The following GRID1 variants were observed in gnomAD, a reference collection of about 807,000 sequenced individuals.
The protein encoded by GRID1 is glutamate receptor ionotropic, delta-1.
Under a neutral mutation model 98.0 loss-of-function variants are expected in GRID1, and 28 were observed. The observed-to-expected ratio is 0.29, with a 90% CI of 0.21 to 0.39. The LOEUF (loss-of-function observed/expected upper bound fraction) is 0.39. Among genes scored for constraint, GRID1 ranks in the 10% least tolerant of loss-of-function variants. The probability of loss-of-function intolerance (pLI) is 1.00; values close to 1 mark genes in which losing one functional copy is unlikely to be tolerated. For synonymous variants in GRID1, 553 were observed against 538.5 expected (o/e 1.03, Z -0.37); for missense variants, 1,111 against 1,340.5 (o/e 0.83, Z 2.67).
chr10:85,705,754 C>A (rs1363007572), intron 12 of GRID1, among the ~76,000 whole-genome samples: 1 of 152,066 alleles, frequency 6.6e-6, no homozygotes, highest in African/African-American at 2.4e-5. Context: ...AAAAGCTTAC[C>A]CACCATGAGC....
chr10:85,638,366 G>C (rs1843074714), intron 13 of GRID1, among the ~76,000 whole-genome samples: 1 of 152,138 alleles, frequency 6.6e-6, no homozygotes, highest in South Asian at 2.1e-4. Flanking sequence ...AAATTCAAGT[G>C]GAAATGTAAA....
At chr10:86,305,014 T>A (rs574578085) in intron 2 of GRID1, among the ~76,000 whole-genome samples, 1 of 152,178 alleles carries the variant, frequency 6.6e-6, no homozygotes, top group Admixed American at 6.5e-5. Flanking sequence ...ATGAAGGTAT[T>A]TTTCAGATGT....
At chr10:85,743,400 T>C (rs914993425) in intron 8 of GRID1, among the ~76,000 whole-genome samples, 1 of 152,146 alleles carries the variant, frequency 6.6e-6, no homozygotes. Context: ...ACAGAATCCA[T>C]TAGACATTTA....
intron 2 of GRID1, among the ~76,000 whole-genome samples, chr10:86,352,975 C>T (rs1160587886): frequency 6.6e-6 from 1 of 152,214 alleles, no homozygotes; most frequent in Admixed American, 6.5e-5. Flanking sequence ...AGTTAAGTGA[C>T]CACCACTGCA....
chr10:85,865,975 A>ATACATATATATG (rs1564613358), intron 6 of GRID1, among the ~76,000 whole-genome samples: 1 of 127,288 alleles, frequency 7.9e-6, no homozygotes, highest in African/African-American at 2.8e-5. Flanking sequence ...AGAGAGAGAG[A>ATACATATATATG]GAGAGAGAGA....
At chr10:86,280,234 A>C (rs1847337616) in intron 2 of GRID1, among the ~76,000 whole-genome samples, 1 of 152,172 alleles carries the variant, frequency 6.6e-6, no homozygotes, top group Admixed American at 6.5e-5. Context: ...CAATATATAA[A>C]ACTCAATTGT....
chr10:86,252,858 A>G (rs1846858974), intron 2 of GRID1, among the ~76,000 whole-genome samples: 1 of 152,254 alleles, frequency 6.6e-6, no homozygotes, highest in South Asian at 2.1e-4. Flanking sequence ...AAGCAAAGTC[A>G]TAAATGTAAA....
intron 8 of GRID1, among the ~76,000 whole-genome samples, chr10:85,765,157 C>T (rs1056271508): frequency 6.6e-6 from 1 of 152,148 alleles, no homozygotes; most frequent in Non-Finnish European, 1.5e-5. Context: ...AACTGAGGCT[C>T]ATAGAAGTTG....
intron 5 of GRID1, among the ~76,000 whole-genome samples, chr10:85,914,117 T>C (rs1468537382): frequency 6.6e-6 from 1 of 152,018 alleles, no homozygotes; most frequent in Non-Finnish European, 1.5e-5. Flanking sequence ...TGCCTACCAG[T>C]ATGGAATGCC....
intron 15 of GRID1, chr10:85,606,939 G>A (rs916566451): frequency 2.0e-5 from 3 of 152,164 alleles, no homozygotes; most frequent in African/African-American, 4.8e-5. Context: ...TGTGAAAACA[G>A]ACTTGGAAAC....
At chr10:86,350,950 C>T (rs1848453667) in intron 2 of GRID1, among the ~76,000 whole-genome samples, 1 of 152,232 alleles carries the variant, frequency 6.6e-6, no homozygotes, top group Non-Finnish European at 1.5e-5. Flanking sequence ...TTCCCTCCCC[C>T]TGCCCTCCCC....
intron 8 of GRID1, among the ~76,000 whole-genome samples, chr10:85,812,474 T>A (rs896000276): frequency 6.6e-6 from 1 of 152,178 alleles, no homozygotes. Flanking sequence ...TGATGTATAG[T>A]GGCTGTAAAA....
chr10:85,748,733 G>C (rs1463456819), intron 8 of GRID1, among the ~76,000 whole-genome samples: 2 of 152,036 alleles, frequency 1.3e-5, no homozygotes, highest in African/African-American at 4.8e-5. Context: ...TTTCTTCCCT[G>C]AGCTCCAGAC....
At chr10:86,281,010 C>T (rs1847349797) in intron 2 of GRID1, among the ~76,000 whole-genome samples, 1 of 152,222 alleles carries the variant, frequency 6.6e-6, no homozygotes. Context: ...TGAACCTCGC[C>T]TGGAGCCAGG....
rs115543891 is a variant in GRID1, at chr10:86,136,796, C to T, written c.726+2023G>A. On this transcript the variant is annotated intron_variant, in intron 4 of 15. Transcript: ENST00000327946. ...AGGGACTTGACTGACGTTAAGAGTCCAGCAAAAGAAACTGTAGAATACTAG... is the reference window on the plus strand; with the variant it reads ...AGGGACTTGACTGACGTTAAGAGTCTAGCAAAAGAAACTGTAGAATACTAG... Among the ~76,000 whole-genome samples the T allele has an allele frequency of 2.1e-4, 32 of 152,250 alleles. 1 individual carries two copies. Among genetic ancestry groups the T allele is most frequent in the African/African-American group, 7.5e-4 (31 of 41,524 alleles).
At chr10:86,086,737 T>C (rs959484530) in intron 4 of GRID1, among the ~76,000 whole-genome samples, 2 of 152,152 alleles carry the variant, frequency 1.3e-5, no homozygotes, top group East Asian at 3.9e-4. Flanking sequence ...TGTGTGTGCA[T>C]ATGTGCACAG....
chr10:85,912,732 A>G (rs148241540), intron 5 of GRID1, among the ~76,000 whole-genome samples: 32 of 152,320 alleles, frequency 2.1e-4, no homozygotes, highest in Middle Eastern at 3.4e-3. Context: ...GAAGACAAGG[A>G]CCCAGTGAAG....
At chr10:85,792,205 C>G (rs1361947935) in intron 8 of GRID1, among the ~76,000 whole-genome samples, 1 of 152,158 alleles carries the variant, frequency 6.6e-6, no homozygotes, top group Non-Finnish European at 1.5e-5. Flanking sequence ...ACTGCCAGTG[C>G]CACCAGAGAT....
At chr10:85,751,409 A>G (rs1166789322) in intron 8 of GRID1, among the ~76,000 whole-genome samples, 1 of 152,228 alleles carries the variant, frequency 6.6e-6, no homozygotes, top group Non-Finnish European at 1.5e-5. Context: ...AAAGCATCAC[A>G]TCCAAGATAA....
Sources: gnomAD v4.1 joint callset for allele counts (sites outside exome capture counted in the v4.1 genomes callset) on GRCh38, gnomAD v4.1.1 for gene constraint, MANE v1.5 for transcripts, NCBI Gene and HGNC (gene_info 2026-07-23, HGNC 2026-07-21) for gene names.